Variants in NUP98 observed in about 807,000 individuals in gnomAD.
NUP98 encodes the protein nucleoporin 98 and 96 precursor.
In NUP98, 26 loss-of-function variants were observed where a neutral mutation model predicts 191.9. The ratio of observed to expected loss-of-function variants is 0.14; its 90% confidence interval spans 0.10 to 0.19. NUP98 has a LOEUF of 0.19. NUP98 is among the 10% of genes least tolerant of loss of function. The probability of loss-of-function intolerance (pLI) is 1.00; values close to 1 mark genes in which losing one functional copy is unlikely to be tolerated. For missense variants in NUP98, 1,941 were observed against 2,178.8 expected, an observed-to-expected ratio of 0.89 and a Z score of 2.17; for synonymous variants, 808 against 778.4, an observed-to-expected ratio of 1.04 and a Z score of -0.63.
chr11:3,759,690 T>C (rs1318597852), intron 10 of NUP98, among the ~76,000 whole-genome samples: 4 of 152,190 alleles, frequency 2.6e-5, no homozygotes, highest in Non-Finnish European at 5.9e-5. Flanking sequence ...TTGAAAATTA[T>C]TGTTCAATCT....
chr11:3,696,764 T>A (rs1362239174), intron 25 of NUP98: 1 of 151,244 alleles, frequency 6.6e-6, no homozygotes, highest in Non-Finnish European at 1.5e-5. Flanking sequence ...GAGCCAAGAT[T>A]ATGCCACTGC....
At chr11:3,769,884 A>G (rs1459207896) in intron 7 of NUP98, among the ~76,000 whole-genome samples, 1 of 151,988 alleles carries the variant, frequency 6.6e-6, no homozygotes, top group African/African-American at 2.4e-5. Flanking sequence ...TGTACTAAAA[A>G]TACAAAAAAA....
At chr11:3,677,600 G>A (rs2077859025) in intron 31 of NUP98, among the ~76,000 whole-genome samples, 2 of 151,940 alleles carry the variant, frequency 1.3e-5, no homozygotes, top group Non-Finnish European at 1.5e-5. Context: ...AGTAATTGCT[G>A]CTTTACTTGT....
Position 3,753,371 on chromosome 11 carries a change from T to C in NUP98, c.1212A>G (p.Gly404=), listed in dbSNP as rs1475459346. Residue 404 remains glycine, a synonymous_variant, in exon 11 of 33, where the codon GGA becomes GGG. Transcript: ENST00000324932. ...GTNTSGNSIF[G]SKPAPGTLGT... Reference sequence around the variant, plus strand: ...CAAGAGTCCCAGGTGCTGGTTTACTTCCAAAAATACTATTCCCACTGGTAT... The same window carrying C: ...CAAGAGTCCCAGGTGCTGGTTTACTCCCAAAAATACTATTCCCACTGGTAT... 1 of 1,613,998 alleles carries C rather than the reference T, an allele frequency of 6.2e-7. No homozygotes were observed. Among genetic ancestry groups the C allele is most frequent in the South Asian group, 1.1e-5 (1 of 91,074 alleles).
At chr11:3,722,182 T>C in intron 16 of NUP98, among the ~76,000 whole-genome samples, 1 of 145,218 alleles carries the variant, frequency 6.9e-6, no homozygotes, top group East Asian at 2.2e-4. Context: ...GGCATAATCA[T>C]AGCTCACTGC....
At chr11:3,750,765 A>G (rs1263256512) in intron 11 of NUP98, among the ~76,000 whole-genome samples, 1 of 152,048 alleles carries the variant, frequency 6.6e-6, no homozygotes, top group Admixed American at 6.6e-5. Context: ...CAGCTGCTTG[A>G]GTAGCTAGGA....
At chr11:3,753,155 T>C (rs2080827692) in intron 11 of NUP98, among the ~76,000 whole-genome samples, 161 bp downstream of exon 11, 1 of 152,206 alleles carries the variant, frequency 6.6e-6, no homozygotes, top group African/African-American at 2.4e-5. Context: ...TTTTAAAGCC[T>C]GGTAAAGCAT....
In NUP98 at chr11:3,703,827, A is replaced by T. The variant is rs113217953; in HGVS notation, c.3083-935T>A. 2.8e-3 allele frequency among the ~76,000 whole-genome samples: 419 copies of T among 152,208 alleles called. 2 individuals are homozygous for T. Among genetic ancestry groups the T allele is most frequent in the African/African-American group, 9.1e-3 (379 of 41,540 alleles). On this transcript the variant is annotated intron_variant, in intron 22 of 32. Transcript: ENST00000324932. ...CTGAAGGACAGTTCTTTAAAAAAAA[A>T]TTTTTTTAACATTTAAATTTTTATC... is the stretch of plus-strand genomic sequence containing the variant.
In NUP98 at chr11:3,688,676, C is replaced by T. The variant is rs573453753; in HGVS notation, c.4455-2482G>A. On this transcript the variant is annotated intron_variant, in intron 28 of 32. Transcript: ENST00000324932. Reference sequence around the variant, plus strand: ...TGGGCTTTGTGGCGCATGCCTGTAACCCCAGCTACTCAGGAGGCTGAGGCA... The same window carrying T: ...TGGGCTTTGTGGCGCATGCCTGTAATCCCAGCTACTCAGGAGGCTGAGGCA... Among the ~76,000 whole-genome samples, 377 of 149,574 alleles carry T rather than the reference C, an allele frequency of 2.5e-3. 1 individual carries two copies. The highest frequency in any genetic ancestry group is 8.5e-3 in the African/African-American group (348 of 40,886).
intron 8 of NUP98, among the ~76,000 whole-genome samples, chr11:3,765,930 T>A (rs1190711324): frequency 6.6e-6 from 1 of 152,254 alleles, no homozygotes; most frequent in Non-Finnish European, 1.5e-5. Flanking sequence ...AAGACTATTC[T>A]TTCCTCACTG....
chr11:3,771,941 A>G lies in NUP98; in HGVS notation c.604-13T>C. 6 of 1,608,878 alleles carry G rather than the reference A, an allele frequency of 3.7e-6. No homozygotes were observed. The highest frequency in any genetic ancestry group is 5.1e-6 in the Non-Finnish European group (6 of 1,176,410). ...CTAAACGAAGTTCCTGAAGGGAGGGAAAACATATTTCTAATCTTAACATGC... is the reference window on the plus strand; with the variant it reads ...CTAAACGAAGTTCCTGAAGGGAGGGGAAACATATTTCTAATCTTAACATGC... On this transcript the variant is annotated splice_polypyrimidine_tract_variant and intron_variant, in intron 6 of 32. Transcript: ENST00000324932.
intron 1 of NUP98, among the ~76,000 whole-genome samples, chr11:3,794,917 C>G (rs2082477777): frequency 6.6e-6 from 1 of 152,150 alleles, no homozygotes; most frequent in African/African-American, 2.4e-5. Flanking sequence ...TCAGCCAATA[C>G]TTATCCTTAA....
Position 3,735,298 on chromosome 11 carries a change from C to T in NUP98, c.1435G>A (p.Ala479Thr), listed in dbSNP as rs748510613. 3 of 1,542,396 alleles carry T rather than the reference C, an allele frequency of 1.9e-6. No individual in the cohort carries two copies. Among genetic ancestry groups the T allele is most frequent in the Non-Finnish European group, 2.6e-6 (3 of 1,142,594 alleles). Residue 479 changes from alanine (A) to threonine (T), a missense_variant, in exon 13 of 33, where the codon GCC becomes ACC. Transcript: ENST00000324932. ...VALTDPNASA[A>T]QQAVLQQHIN... ...TGCTGCTGGAGAACAGCCTGCTGGG[C>T]AGCAGAAGCATTTGGATCTGTCAAA...
chr11:3,796,833 A>G lies in NUP98; in HGVS notation c.-29+567T>C, dbSNP rs946268901. ...TATGGCTATAGTAATCCAGAAACTC[A>G]ATCTGTCTCCTCATCTGGCTTTACA... On this transcript the variant is annotated intron_variant, in intron 1 of 32. Coordinates refer to ENST00000324932, the MANE Select transcript of NUP98 (RefSeq NM_016320.5). Among the ~76,000 whole-genome samples, 3 of 152,308 alleles carry G rather than the reference A, an allele frequency of 2.0e-5. No homozygotes were observed. In the South Asian group the frequency reaches 6.2e-4, roughly 32 times the overall value.
At chr11:3,738,433 A>T (rs534343642) in intron 12 of NUP98, among the ~76,000 whole-genome samples, 1 of 152,324 alleles carries the variant, frequency 6.6e-6, no homozygotes, top group Non-Finnish European at 1.5e-5. Flanking sequence ...TCTTCTGATG[A>T]AACACAAGAA....
intron 8 of NUP98, among the ~76,000 whole-genome samples, chr11:3,765,434 T>A (rs2081305494): frequency 6.6e-6 from 1 of 152,250 alleles, no homozygotes; most frequent in Non-Finnish European, 1.5e-5. Context: ...TTTGGTGTCC[T>A]ATCTAAGATA....
At chr11:3,778,225 G>C (rs1193686478) in intron 4 of NUP98, among the ~76,000 whole-genome samples, 1 of 139,194 alleles carries the variant, frequency 7.2e-6, no homozygotes, top group Admixed American at 7.1e-5. Context: ...AAAAAAGAAA[G>C]AAAGAAAATA....
In NUP98 at chr11:3,706,543, C is replaced by T; in HGVS notation, c.2827G>A (p.Asp943Asn). 1 of 1,614,136 alleles carries T rather than the reference C, an allele frequency of 6.2e-7. No individual in the cohort carries two copies. ...MVDITQEPVL[D>N]TMLEESMPED... The stretch of plus-strand genomic sequence containing the variant: ...GGCATGCTCTCTTCTAACATGGTAT[C>T]CAAAACTGGCTCCTGGGTGATATCT... Residue 943 changes from aspartate (D) to asparagine (N), a missense_variant, in exon 21 of 33, where the codon GAT becomes AAT. Coordinates refer to ENST00000324932, the MANE Select transcript of NUP98 (RefSeq NM_016320.5).
rs528046803 is a variant in NUP98, at chr11:3,743,272, C to T, written c.1408+1237G>A. Among the ~76,000 whole-genome samples the T allele has an allele frequency of 1.3e-4, 19 of 151,540 alleles. No individual in the cohort carries two copies. In the South Asian group the frequency reaches 3.1e-3, roughly 25 times the overall value. The stretch of plus-strand genomic sequence containing the variant: ...GACCTCGTGATCCACCCGCCTCGGC[C>T]TCCCAAAGTACTGGGATTATAGGCG... On this transcript the variant is annotated intron_variant, in intron 12 of 32. Coordinates refer to ENST00000324932, the MANE Select transcript of NUP98 (RefSeq NM_016320.5).
Sources: allele counts gnomAD v4.1 joint callset (sites outside exome capture counted in the v4.1 genomes callset), GRCh38; gene constraint gnomAD v4.1.1; transcripts MANE v1.5; gene names NCBI Gene and HGNC (gene_info 2026-07-23, HGNC 2026-07-21).